The following ALMS1 variants were observed in gnomAD, a reference collection of about 807,000 sequenced individuals.
ALMS1 encodes the protein centrosome-associated protein ALMS1.
In ALMS1, 271 loss-of-function variants were observed where a neutral mutation model predicts 352.2. The ratio of observed to expected loss-of-function variants is 0.77; its 90% CI spans 0.70 to 0.85. The LOEUF (loss-of-function observed/expected upper bound fraction) is 0.85, where lower values mean the gene tolerates loss of function less well. Among genes scored for constraint, ALMS1 ranks in the 40% least tolerant of loss-of-function variants. The probability of loss-of-function intolerance (pLI) is 0.00; values close to 1 mark genes in which losing one functional copy is unlikely to be tolerated. For missense variants in ALMS1, 5,445 were observed against 4,870.7 expected (o/e 1.12, Z -3.51); for synonymous variants, 1,865 against 1,761.2 (o/e 1.06, Z -1.48).
chr2:73,577,186 G>C (rs1209993254), intron 16 of ALMS1, among the ~76,000 whole-genome samples: 1 of 152,012 alleles, frequency 6.6e-6, no homozygotes, highest in East Asian at 1.9e-4. Flanking sequence ...CCCACCTCTT[G>C]GTTTTTGATA....
At chr2:73,496,740 T>A (rs1193403471) in intron 10 of ALMS1, among the ~76,000 whole-genome samples, 1 of 152,228 alleles carries the variant, frequency 6.6e-6, no homozygotes, top group Non-Finnish European at 1.5e-5. Flanking sequence ...TCCTCACCGA[T>A]GTGTAAATTG....
At position 73,419,393 on chromosome 2, in the gene ALMS1, T is replaced by C. The variant is rs987749806; in HGVS notation, c.646+75T>C. 3.5e-6 allele frequency: 5 copies of C among 1,436,728 alleles called. No individual in the cohort carries two copies. The African/African-American group carries it at 7.0e-5, about 20-fold the overall frequency. The allele number at this position is 1,436,728 out of a possible 1,614,324, so 89.0% of individuals were successfully genotyped here. A position where few individuals can be genotyped will look rare whatever the true frequency, so the allele number is the denominator to read the frequency against. ...TTGCGGGGACTGCAAGTCTTGTAACTTTCCCCTTTTTGAGTTAAGGAGCTC... is the reference window on the plus strand; with the variant it reads ...TTGCGGGGACTGCAAGTCTTGTAACCTTCCCCTTTTTGAGTTAAGGAGCTC... On this transcript the variant is annotated intron_variant, in intron 3 of 22. Coordinates refer to ENST00000613296, the MANE Select transcript of ALMS1 (RefSeq NM_001378454.1).
rs750671777 is a variant in ALMS1 at position 73,450,471 on chromosome 2, C to T, written c.3944C>T (p.Ala1315Val). The change falls in exon 8 of 23, where the codon GCG becomes GTG. Residue 1315 changes from alanine (A) to valine (V), a missense_variant. Physicochemically the swap from Ala to Val is moderately conservative, Grantham distance 64 (BLOSUM62 0). Coordinates refer to ENST00000613296, the MANE Select transcript of ALMS1 (RefSeq NM_001378454.1). ...HLTEEAKNVS[A>V]VPGPADQKTV... ...ACTGAAGAGGCTAAGAATGTTTCAG[C>T]GGTTCCTGGACCAGCTGACCAGAAG... 32 of 1,613,666 alleles carry T rather than the reference C, an allele frequency of 2.0e-5. No homozygotes were observed. The highest frequency in any genetic ancestry group is 4.4e-5 in the South Asian group (4 of 91,056).
Position 73,452,291 on chromosome 2 carries a change from G to A in ALMS1, c.5764G>A (p.Val1922Ile). 3 of 1,614,028 alleles carry A rather than the reference G, an allele frequency of 1.9e-6. No individual in the cohort carries two copies. Among genetic ancestry groups the A allele is most frequent in the Non-Finnish European group, 1.7e-6 (2 of 1,179,988 alleles). ...DVTEEALNVF[V>I]VPGQGDRKTE... is the part of the protein sequence containing the mutation. ...TACTGAAGAAGCTTTAAATGTTTTT[G>A]TTGTTCCTGGACAAGGTGACCGGAA... The change falls in exon 8 of 23, where the codon GTT (valine) becomes ATT (isoleucine). Residue 1922 changes from valine to isoleucine, a missense_variant. Val to Ile is a conservative substitution (Grantham distance 29, BLOSUM62 3). Coordinates refer to ENST00000613296, the MANE Select transcript of ALMS1 (RefSeq NM_001378454.1).
chr2:73,548,827 C>T (rs1244923601), intron 12 of ALMS1, among the ~76,000 whole-genome samples: 1 of 151,990 alleles, frequency 6.6e-6, no homozygotes, highest in African/African-American at 2.4e-5. Flanking sequence ...GATAAGTTTA[C>T]CTAGGAAGAG....
At chr2:73,461,017 G>A (rs948267756) in intron 9 of ALMS1, among the ~76,000 whole-genome samples, 8 of 152,350 alleles carry the variant, frequency 5.3e-5, no homozygotes, top group African/African-American at 1.4e-4. Context: ...TGGGGGCAGG[G>A]CATAGCCAAA....
chr2:73,556,611 G>T (rs1573017480), intron 13 of ALMS1, among the ~76,000 whole-genome samples: 1 of 145,486 alleles, frequency 6.9e-6, no homozygotes, highest in Non-Finnish European at 1.5e-5. Context: ...TTTTTCCTTT[G>T]AAAAAACATA....
At chr2:73,479,878 A>G (rs955719365) in intron 9 of ALMS1, among the ~76,000 whole-genome samples, 7 of 152,110 alleles carry the variant, frequency 4.6e-5, no homozygotes, top group Non-Finnish European at 7.4e-5. Context: ...CCTCACCAGC[A>G]TTTGATACTG....
intron 6 of ALMS1, among the ~76,000 whole-genome samples, chr2:73,431,644 G>GT (rs1210227096): frequency 2.0e-5 from 3 of 152,070 alleles, no homozygotes; most frequent in Non-Finnish European, 4.4e-5. Flanking sequence ...CACTACTTTT[G>GT]TTTTAAGAAG....
intron 10 of ALMS1, among the ~76,000 whole-genome samples, chr2:73,509,749 T>C (rs1673410949): frequency 6.6e-6 from 1 of 152,210 alleles, no homozygotes; most frequent in Admixed American, 6.5e-5. Context: ...GGGGTTGCTC[T>C]TCTTGAGGAG....
intron 12 of ALMS1, among the ~76,000 whole-genome samples, chr2:73,548,128 A>G (rs1674358932): frequency 6.6e-6 from 1 of 152,188 alleles, no homozygotes; most frequent in South Asian, 2.1e-4. Flanking sequence ...ATCCACATAG[A>G]GATGTTGGGT....
At position 73,609,653 on chromosome 2, in the gene ALMS1, T is replaced by G; in HGVS notation, c.*41T>G. On this transcript the variant is annotated 3_prime_UTR_variant, in exon 23 of 23. Coordinates refer to ENST00000613296, the MANE Select transcript of ALMS1 (RefSeq NM_001378454.1). ...CTCAGAGCCTTGGAATTCTATTTTA[T>G]GAACCTAGAGAAGCAGAATCCTTAC... is the stretch of plus-strand genomic sequence containing the variant. The G allele has an allele frequency of 6.3e-7, 1 of 1,589,966 alleles. No homozygotes were observed. The highest frequency in any genetic ancestry group is 1.1e-5 in the South Asian group (1 of 90,644).
intron 21 of ALMS1, chr2:73,604,028 G>A (rs780239789): frequency 2.0e-5 from 3 of 152,272 alleles, no homozygotes; most frequent in African/African-American, 4.8e-5. Context: ...AAATTTCGAA[G>A]CATGTGAACA....
chr2:73,521,478 T>C (rs944219992), intron 11 of ALMS1, among the ~76,000 whole-genome samples: 1 of 151,216 alleles, frequency 6.6e-6, no homozygotes, highest in African/African-American at 2.4e-5. Context: ...GGCTCACGCC[T>C]GTAATCCCAG....
At position 73,534,957 on chromosome 2, in the gene ALMS1, G is replaced by A. The variant is rs369727166; in HGVS notation, c.9907+8G>A. On this transcript the variant is annotated splice_region_variant and intron_variant, in intron 12 of 22. Transcript: ENST00000613296. The stretch of plus-strand genomic sequence containing the variant: ...TTGAAAGCTCCCATTCAGGTATTAT[G>A]CAGAAATTATTCGAAGTTTTATTGT... 4 of 1,613,410 alleles carry A rather than the reference G, an allele frequency of 2.5e-6. No individual in the cohort carries two copies. In the African/African-American group the frequency reaches 5.3e-5, roughly 22 times the overall value.
chr2:73,434,900 G>A (rs58830031), intron 7 of ALMS1, among the ~76,000 whole-genome samples: 2,940 of 152,206 alleles, frequency 0.019, 111 homozygotes, highest in African/African-American at 0.065. Flanking sequence ...GGGTTCCAGC[G>A]ACTCTCGTGC....
intron 2 of ALMS1, among the ~76,000 whole-genome samples, chr2:73,415,973 A>T (rs868860676): frequency 6.6e-6 from 1 of 152,228 alleles, no homozygotes; most frequent in African/African-American, 2.4e-5. Flanking sequence ...AAATTATTGC[A>T]GTAGAGGAAC....
chr2:73,408,864 C>CTTTTTTTTTTTTTTTTTTTTTTTTTTTTT (rs58686365), intron 2 of ALMS1, 117 bp downstream of exon 2: 1 of 170,816 alleles, frequency 5.9e-6, no homozygotes, highest in Non-Finnish European at 9.8e-6. Flanking sequence ...GTTTTCTTGT[C>CTTTTTTTTTTTTTTTTTTTTTTTTTTTTT]TTTTTTTTTT....
chr2:73,402,786 A>C (rs565038168), intron 1 of ALMS1, among the ~76,000 whole-genome samples: 1 of 152,102 alleles, frequency 6.6e-6, no homozygotes, highest in Non-Finnish European at 1.5e-5. Context: ...GTAATATTGA[A>C]TATCTTTTCA....
Sources: allele counts gnomAD v4.1 joint callset (sites outside exome capture counted in the v4.1 genomes callset), GRCh38; gene constraint gnomAD v4.1.1; transcripts MANE v1.5; gene names NCBI Gene and HGNC (gene_info 2026-07-23, HGNC 2026-07-21).